Variants in MEGF11 observed in about 807,000 individuals in gnomAD.
MEGF11 encodes the protein multiple EGF like domains 11, also known as multiple epidermal growth factor-like domains protein 11.
In MEGF11, 126 loss-of-function variants were observed where a neutral mutation model predicts 146.6. The observed-to-expected ratio is 0.86, with a 90% confidence interval of 0.74 to 1.00. The LOEUF (loss-of-function observed/expected upper bound fraction) is 1.00. Ranked by LOEUF, MEGF11 falls within the 50% of genes least tolerant of loss-of-function variation. The pLI is 0.00. For missense variants in MEGF11, 1,509 were observed against 1,521.2 expected (o/e 0.99, Z 0.13); for synonymous variants, 532 against 583.4 (o/e 0.91, Z 1.27).
intron 5 of MEGF11, among the ~76,000 whole-genome samples, chr15:66,037,229 C>T (rs2083758706): frequency 6.6e-6 from 1 of 152,198 alleles, no homozygotes; most frequent in African/African-American, 2.4e-5. Flanking sequence ...ATCCCTGACT[C>T]TCCCAGGCAC....
chr15:66,212,305 G>A (rs1284576104), intron 1 of MEGF11, among the ~76,000 whole-genome samples: 3 of 152,118 alleles, frequency 2.0e-5, no homozygotes, highest in Admixed American at 2.0e-4. Context: ...CCGAACCCCA[G>A]GCCCAGCACA....
At chr15:65,930,976 G>A in intron 10 of MEGF11, 33 bp from the exon 11 acceptor site, 1 of 1,535,210 alleles carries the variant, frequency 6.5e-7, no homozygotes, top group Non-Finnish European at 8.8e-7. Flanking sequence ...TTGGATCAAA[G>A]GTTGCTCCAT....
At chr15:66,047,493 C>T (rs550582173) in intron 5 of MEGF11, among the ~76,000 whole-genome samples, 45 of 152,344 alleles carry the variant, frequency 3.0e-4, no homozygotes, top group Non-Finnish European at 5.7e-4. Context: ...GAGCACACAC[C>T]TACAGCACTG....
intron 1 of MEGF11, among the ~76,000 whole-genome samples, chr15:66,246,225 C>G (rs1236241250): frequency 1.3e-5 from 2 of 152,124 alleles, no homozygotes; most frequent in Non-Finnish European, 2.9e-5. Flanking sequence ...CCATTGCTCT[C>G]CAGCCTGAGT....
At chr15:66,004,217 G>A (rs527760556) in intron 5 of MEGF11, among the ~76,000 whole-genome samples, 13 of 152,268 alleles carry the variant, frequency 8.5e-5, no homozygotes, top group Non-Finnish European at 1.8e-4. Flanking sequence ...TCACCCCTGA[G>A]CTCTTAAGTC....
intron 3 of MEGF11, 23 bp downstream of exon 3, chr15:66,123,876 C>T (rs1218153490): frequency 5.0e-5 from 79 of 1,595,786 alleles, no homozygotes; most frequent in Non-Finnish European, 6.6e-5. Context: ...TTCCCTGCCC[C>T]ATCATCTGAG....
intron 1 of MEGF11, among the ~76,000 whole-genome samples, chr15:66,171,796 C>T (rs902910119): frequency 1.3e-4 from 20 of 151,990 alleles, no homozygotes; most frequent in Admixed American, 3.3e-4. Flanking sequence ...TCACCCTCTC[C>T]CCGCTTCACC....
At chr15:65,967,442 T>TA (rs975491835) in intron 8 of MEGF11, among the ~76,000 whole-genome samples, 5 of 151,646 alleles carry the variant, frequency 3.3e-5, no homozygotes, top group African/African-American at 7.3e-5. Flanking sequence ...AAAAGCAATT[T>TA]AAAAAAAAAT....
In MEGF11 at chr15:66,008,457, A is replaced by G. The variant is rs144319907; in HGVS notation, c.395-25969T>C. The stretch of plus-strand genomic sequence containing the variant: ...CACACACACACACACACACAAAATT[A>G]CAGCCTAGTCTAACTCCCTTCTTTT... On this transcript the variant is annotated intron_variant, in intron 5 of 25. Coordinates refer to ENST00000395614, the MANE Select transcript of MEGF11 (RefSeq NM_001385028.1). 2.4e-3 allele frequency among the ~76,000 whole-genome samples: 360 copies of G among 151,906 alleles called. 1 individual carries two copies. Among genetic ancestry groups the G allele is most frequent in the African/African-American group, 8.4e-3 (346 of 41,394 alleles).
intron 10 of MEGF11, among the ~76,000 whole-genome samples, chr15:65,953,389 T>C (rs1488717237): frequency 6.6e-6 from 1 of 152,154 alleles, no homozygotes; most frequent in Non-Finnish European, 1.5e-5. Flanking sequence ...CAATCAAAGC[T>C]CATCAACTAA....
chr15:65,929,696 G>T, intron 12 of MEGF11, 24 bp downstream of exon 12: 1 of 1,544,450 alleles, frequency 6.5e-7, no homozygotes, highest in South Asian at 1.2e-5. Flanking sequence ...AGCCCAACCT[G>T]TCCCTCCCCA....
chr15:65,947,062 G>A (rs920255976), intron 10 of MEGF11, among the ~76,000 whole-genome samples: 1 of 152,076 alleles, frequency 6.6e-6, no homozygotes, highest in Non-Finnish European at 1.5e-5. Flanking sequence ...TGTTTTTTCT[G>A]TTTTTTGCAT....
chr15:65,929,866 A>T lies in MEGF11; in HGVS notation c.1426T>A (p.Cys476Ser). 1 of 1,598,744 alleles carries T rather than the reference A, an allele frequency of 6.3e-7. No homozygotes were observed. Among genetic ancestry groups the T allele is most frequent in the Admixed American group, 1.7e-5 (1 of 58,074 alleles). The change falls in exon 12 of 26, where the codon TGC (cysteine) becomes AGC (serine). Residue 476 changes from cysteine to serine, a missense_variant. Transcript: ENST00000395614. ...GTCCCACTGGGACATGGCAGGGTGCAGTCCAGGCCCTGCCACCCTGAGGGG... is the reference window on the plus strand; with the variant it reads ...GTCCCACTGGGACATGGCAGGGTGCTGTCCAGGCCCTGCCACCCTGAGGGG... ...TCKEGWQGLDCTLPCPSGTWG... is the reference protein window; with the variant it reads ...TCKEGWQGLDSTLPCPSGTWG...
chr15:66,193,646 CG>C (rs2090936664), intron 1 of MEGF11, among the ~76,000 whole-genome samples: 1 of 151,946 alleles, frequency 6.6e-6, no homozygotes, highest in African/African-American at 2.4e-5. Flanking sequence ...ACTTTGTATA[CG>C]TGGGTTCTGC....
rs2088761322 is a variant in MEGF11 at position 66,133,680 on chromosome 15, TAATTAAG to T, written c.-8-5276_-8-5270del. 2.0e-5 allele frequency among the ~76,000 whole-genome samples: 3 copies of T among 152,140 alleles called. No individual in the cohort carries two copies. In the South Asian group the frequency reaches 6.2e-4, roughly 32 times the overall value. On this transcript the variant is annotated intron_variant, in intron 1 of 25. Coordinates refer to ENST00000395614, the MANE Select transcript of MEGF11 (RefSeq NM_001385028.1). ...AAAAGAGGAGTTGGATCAGCCCTCG[TAATTAAG>T]AAGCTTCGTCCTTTGCCTTGATGAA...
intron 5 of MEGF11, among the ~76,000 whole-genome samples, chr15:65,999,664 A>G (rs1449166054): frequency 7.2e-5 from 11 of 152,184 alleles, no homozygotes. Flanking sequence ...TGTGCCTGAT[A>G]GGGTTGCCAT....
In MEGF11 at chr15:65,898,901, G is replaced by A. The variant is rs746731712; in HGVS notation, c.3089C>T (p.Thr1030Ile). ...GTTTTCACTGCTATTCAAGGAACAA[G>A]TACTAGAACTGCACACGGATTCTTT... The part of the protein sequence containing the change: ...YMKESVCSSS[T>I]CSLNSSENPY... Residue 1030 changes from threonine to isoleucine, a missense_variant, in exon 25 of 26, where the codon ACT (threonine) becomes ATT (isoleucine). Transcript: ENST00000395614. The A allele has an allele frequency of 1.2e-6, 2 of 1,613,802 alleles. No individual in the cohort carries two copies. The highest frequency in any genetic ancestry group is 2.7e-5 in the African/African-American group (2 of 74,916).
intron 1 of MEGF11, among the ~76,000 whole-genome samples, chr15:66,181,413 AATGCACACACGC>A (rs2090544915): frequency 6.6e-6 from 1 of 152,132 alleles, no homozygotes; most frequent in African/African-American, 2.4e-5. Flanking sequence ...TGCACACTTG[AATGCACACACGC>A]ATGCACACAC....
intron 5 of MEGF11, among the ~76,000 whole-genome samples, chr15:66,010,432 A>G (rs1002335266): frequency 2.0e-5 from 3 of 152,088 alleles, no homozygotes; most frequent in Admixed American, 6.5e-5. Context: ...GCCTCAAGTG[A>G]TCTACCTGCC....
Sources: allele counts gnomAD v4.1 joint callset (sites outside exome capture counted in the v4.1 genomes callset), GRCh38; gene constraint gnomAD v4.1.1; transcripts MANE v1.5; gene names NCBI Gene and HGNC (gene_info 2026-07-23, HGNC 2026-07-21).